Variants in SNRNP35 observed in about 807,000 individuals in gnomAD.
SNRNP35 encodes the protein small nuclear ribonucleoprotein U11/U12 subunit 35.
Under a neutral mutation model 24.3 loss-of-function variants are expected in SNRNP35, and 16 were observed. That is an observed-to-expected ratio of 0.66 (90% CI 0.45 to 1.00). The LOEUF (loss-of-function observed/expected upper bound fraction) is 1.00, where lower values mean the gene tolerates loss of function less well. Ranked by LOEUF, SNRNP35 falls within the 50% of genes least tolerant of loss-of-function variation. The probability of loss-of-function intolerance (pLI) is 0.00; values close to 1 mark genes in which losing one functional copy is unlikely to be tolerated. For synonymous variants in SNRNP35, 106 were observed against 124.8 expected (o/e 0.85, Z 1.00); for missense variants, 292 against 327.2 (o/e 0.89, Z 0.83).
At chr12:123,460,210 C>G (rs1880529958) in intron 1 of SNRNP35, among the ~76,000 whole-genome samples, 1 of 152,020 alleles carries the variant, frequency 6.6e-6, no homozygotes, top group Non-Finnish European at 1.5e-5. Flanking sequence ...CCTCAGACAC[C>G]CAGAATACTG....
Position 123,463,055 on chromosome 12 carries a change from GTTTT to G in SNRNP35, c.-3-2480_-3-2477del, listed in dbSNP as rs572801324. The stretch of plus-strand genomic sequence containing the variant: ...ACTGTATATATTTCACAGAAACCTG[GTTTT>G]TTGTTTTTGTTTTTGTTTTGAGACA... On this transcript the variant is annotated intron_variant, in intron 1 of 1. Coordinates refer to ENST00000526639, the MANE Select transcript of SNRNP35 (RefSeq NM_022717.4). Among the ~76,000 whole-genome samples, 213 of 152,122 alleles carry G rather than the reference GTTTT, an allele frequency of 1.4e-3. 1 individual carries two copies. Among genetic ancestry groups the G allele is most frequent in the African/African-American group, 4.9e-3 (203 of 41,512 alleles).
At chr12:123,460,832 A>G (rs1880573201) in intron 1 of SNRNP35, among the ~76,000 whole-genome samples, 1 of 150,106 alleles carries the variant, frequency 6.7e-6, no homozygotes, top group Admixed American at 6.7e-5. Context: ...GTAATTTTGT[A>G]TTTTCAATAG....
At position 123,466,528 on chromosome 12, in the gene SNRNP35, C is replaced by A; in HGVS notation, c.*247C>A. The A allele has an allele frequency of 2.7e-6, 1 of 374,440 alleles. No homozygotes were observed. Among genetic ancestry groups the A allele is most frequent in the Non-Finnish European group, 4.8e-6 (1 of 210,040 alleles). 23.2% of individuals were successfully genotyped at this position (374,440 alleles called of 1,614,324 possible). On this transcript the variant is annotated 3_prime_UTR_variant, in exon 2 of 2. Coordinates refer to ENST00000526639, the MANE Select transcript of SNRNP35 (RefSeq NM_022717.4). ...AATTTTGTAGTTACTGGCATCTGTA[C>A]AGAAGGGCATTTTCTTTTCTTTTCT...
chr12:123,468,796 C>T (rs1433474362), downstream of SNRNP35, among the ~76,000 whole-genome samples: 2 of 152,198 alleles, frequency 1.3e-5, no homozygotes, highest in Non-Finnish European at 2.9e-5. Context: ...GGTACAGCCT[C>T]CATGGTAGGG....
At position 123,466,100 on chromosome 12, in the gene SNRNP35, C is replaced by G. The variant is rs1880962780; in HGVS notation, c.560C>G (p.Ser187Cys). The G allele has an allele frequency of 6.2e-7, 1 of 1,612,358 alleles. No individual in the cohort carries two copies. Among genetic ancestry groups the G allele is most frequent in the Admixed American group, 1.7e-5 (1 of 59,500 alleles). ...GGAAAACGGGAAAGGCGGGAGCGATCTCGATCCCGAGAAAGACACTGGGAC... is the reference window on the plus strand; with the variant it reads ...GGAAAACGGGAAAGGCGGGAGCGATGTCGATCCCGAGAAAGACACTGGGAC... ...REGKRERRER[S>C]RSRERHWDSR... Residue 187 changes from serine (S) to cysteine (C), a missense_variant, in exon 2 of 2, where the codon TCT becomes TGT. Coordinates refer to ENST00000526639, the MANE Select transcript of SNRNP35 (RefSeq NM_022717.4).
chr12:123,458,204 A>G lies in SNRNP35; in HGVS notation c.-16A>G, dbSNP rs937440309. The G allele has an allele frequency of 5.5e-5, 54 of 985,378 alleles. No homozygotes were observed. The highest frequency in any genetic ancestry group is 6.0e-5 in the Non-Finnish European group (50 of 830,004). 61.0% of individuals were successfully genotyped at this position (985,378 alleles called of 1,614,324 possible). On this transcript the variant is annotated 5_prime_UTR_variant, in exon 1 of 2. Transcript: ENST00000526639. Reference sequence around the variant, plus strand: ...GCCTGTCTCCGTCGGAAGGGAGCCCAAGCTTTGCAGAGGTGAGTGGAAGCG... The same window carrying G: ...GCCTGTCTCCGTCGGAAGGGAGCCCGAGCTTTGCAGAGGTGAGTGGAAGCG...
At chr12:123,472,431 G>T in exon 2 of SNRNP35, 1 of 1,228,332 alleles carries the variant, frequency 8.1e-7, no homozygotes, top group Non-Finnish European at 1.1e-6. Flanking sequence ...AGTTTTCAGG[G>T]TGCATCTGCA....
rs1264314247 is a variant in SNRNP35, at chr12:123,472,288, AAT to A, written n.1302_1303del. On this transcript the variant is annotated non_coding_transcript_exon_variant, in exon 2 of 2. Transcript: ENST00000527158. ...CTGGCCTCCGTTTGTGGGATTATTA[AAT>A]ATATATCCTACGGGATCAGAGTCAT... 4 of 443,930 alleles carry A rather than the reference AAT, an allele frequency of 9.0e-6. No homozygotes were observed. The Admixed American group carries it at 1.1e-4, about 12-fold the overall frequency. The allele number at this position is 443,930 out of a possible 1,614,324, so 27.5% of individuals were successfully genotyped here. A position where few individuals can be genotyped will look rare whatever the true frequency, so the allele number is the denominator to read the frequency against.
chr12:123,472,909 G>A (rs1476661080), exon 2 of SNRNP35: 2 of 520,600 alleles, frequency 3.8e-6, no homozygotes, highest in Non-Finnish European at 3.5e-6. Flanking sequence ...GTATGGGCAA[G>A]GCATGCATGC....
In SNRNP35 at chr12:123,460,956, CTTTTTTTTTTTT is replaced by C. The variant is rs35246652; in HGVS notation, c.-4+2755_-4+2766del. Among the ~76,000 whole-genome samples, 15 of 122,772 alleles carry C rather than the reference CTTTTTTTTTTTT, an allele frequency of 1.2e-4. No homozygotes were observed. The East Asian group carries it at 2.3e-3, about 19-fold the overall frequency. 80.5% of individuals were successfully genotyped at this position (122,772 alleles called of 152,430 possible). ...TCAGGCGTGAGCTACTGCGCCTGGCCTTTTTTTTTTTTTTTTTTTTTTTTTTAAAAACAGAGA... is the reference window on the plus strand; with the variant it reads ...TCAGGCGTGAGCTACTGCGCCTGGCCTTTTTTTTTTTTTTAAAAACAGAGA... On this transcript the variant is annotated intron_variant, in intron 1 of 1. Coordinates refer to ENST00000526639, the MANE Select transcript of SNRNP35 (RefSeq NM_022717.4).
chr12:123,458,752 C>T (rs534176967), intron 1 of SNRNP35, among the ~76,000 whole-genome samples: 40 of 151,800 alleles, frequency 2.6e-4, no homozygotes, highest in Non-Finnish European at 4.9e-4. Flanking sequence ...CCCGCCACCA[C>T]GCCCTGCTAA....
At chr12:123,461,621 A>G (rs1447607874) in intron 1 of SNRNP35, among the ~76,000 whole-genome samples, 4 of 151,940 alleles carry the variant, frequency 2.6e-5, no homozygotes, top group African/African-American at 9.7e-5. Flanking sequence ...GATGACAGAC[A>G]TATTGCCCTC....
At chr12:123,458,762 A>T (rs1213526781) in intron 1 of SNRNP35, among the ~76,000 whole-genome samples, 6 of 150,846 alleles carry the variant, frequency 4.0e-5, no homozygotes, top group Admixed American at 1.3e-4. Flanking sequence ...CGCCCTGCTA[A>T]TTTTTTGTAT....
At chr12:123,459,966 C>A in intron 1 of SNRNP35, 1 of 1,029,906 alleles carries the variant, frequency 9.7e-7, no homozygotes, top group Non-Finnish European at 1.5e-6. Flanking sequence ...GTTTGTAATT[C>A]TCCTCCATTT....
At chr12:123,472,845 AAGC>A in exon 2 of SNRNP35, 1 of 692,428 alleles carries the variant, frequency 1.4e-6, no homozygotes, top group Non-Finnish European at 2.4e-6. Flanking sequence ...TATTCCAAGA[AAGC>A]AGCAGGGTAT....
At chr12:123,463,937 T>TC in intron 1 of SNRNP35, among the ~76,000 whole-genome samples, 1 of 149,532 alleles carries the variant, frequency 6.7e-6, no homozygotes, top group East Asian at 2.0e-4. Context: ...CTAATTTTTT[T>TC]TTTTTTTTTT....
chr12:123,471,738 G>A (rs1396583366), downstream of SNRNP35: 2 of 152,498 alleles, frequency 1.3e-5, no homozygotes, highest in Non-Finnish European at 2.9e-5. Context: ...CTTCTTTGCA[G>A]GGGACTAAGT....
At chr12:123,458,915 C>T (rs1361320414) in intron 1 of SNRNP35, 2 of 151,302 alleles carry the variant, frequency 1.3e-5, no homozygotes, top group South Asian at 2.1e-4. Context: ...AGTCTTACCC[C>T]GAAGACCCAG....
At chr12:123,463,690 G>A (rs545151538) in intron 1 of SNRNP35, among the ~76,000 whole-genome samples, 7 of 151,844 alleles carry the variant, frequency 4.6e-5, no homozygotes, top group Non-Finnish European at 7.4e-5. Context: ...GTGAGCTACC[G>A]CGCTCGCCAG....
Sources: gnomAD v4.1 joint callset for allele counts (sites outside exome capture counted in the v4.1 genomes callset) on GRCh38, gnomAD v4.1.1 for gene constraint, MANE v1.5 for transcripts, NCBI Gene and HGNC (gene_info 2026-07-23, HGNC 2026-07-21) for gene names.